Variants in DOK5 observed in about 807,000 individuals in gnomAD.
DOK5 encodes docking protein 5.
A neutral mutation model predicts 43.3 loss-of-function variants in DOK5; 27 were observed. That is an observed-to-expected ratio of 0.62 (90% CI 0.46 to 0.86). The LOEUF is 0.86. Ranked by LOEUF, DOK5 falls within the 40% of genes least tolerant of loss-of-function variation. The pLI, the probability that DOK5 is intolerant of heterozygous loss-of-function variation, is 0.00. For synonymous variants in DOK5, 146 were observed against 140.1 expected (o/e 1.04, Z -0.30); for missense variants, 373 against 392.9 (o/e 0.95, Z 0.43).
chr20:54,571,780 T>C (rs1985289577), intron 2 of DOK5, among the ~76,000 whole-genome samples: 1 of 152,180 alleles, frequency 6.6e-6, no homozygotes, highest in African/African-American at 2.4e-5. Flanking sequence ...AACTCCTGAG[T>C]GCAGCGTACC....
intron 2 of DOK5, among the ~76,000 whole-genome samples, chr20:54,577,422 C>T (rs1194037502): frequency 1.3e-5 from 2 of 152,084 alleles, no homozygotes; most frequent in African/African-American, 4.8e-5. Flanking sequence ...GTTAGATTTC[C>T]TTTGAAAATT....
At chr20:54,551,706 T>C (rs1424769159) in intron 1 of DOK5, among the ~76,000 whole-genome samples, 3 of 152,226 alleles carry the variant, frequency 2.0e-5, no homozygotes, top group Non-Finnish European at 4.4e-5. Flanking sequence ...TATCTGTGTT[T>C]TTATATTGCT....
intron 1 of DOK5, among the ~76,000 whole-genome samples, chr20:54,525,481 G>A (rs1983545864): frequency 6.6e-6 from 1 of 152,154 alleles, no homozygotes; most frequent in South Asian, 2.1e-4. Context: ...TTTTATTACT[G>A]CACTTTATTT....
intron 2 of DOK5, among the ~76,000 whole-genome samples, chr20:54,573,382 TG>T (rs1985352921): frequency 6.6e-6 from 1 of 152,074 alleles, no homozygotes; most frequent in Non-Finnish European, 1.5e-5. Context: ...AAAATAAAGC[TG>T]GGCTTTTAAG....
At chr20:54,556,457 T>C (rs1984710467) in intron 2 of DOK5, among the ~76,000 whole-genome samples, 1 of 152,218 alleles carries the variant, frequency 6.6e-6, no homozygotes, top group Non-Finnish European at 1.5e-5. Flanking sequence ...CTGCAAATAA[T>C]CTTGAGCCAA....
intron 1 of DOK5, among the ~76,000 whole-genome samples, chr20:54,477,222 G>A (rs939093925): frequency 6.6e-6 from 1 of 152,120 alleles, no homozygotes; most frequent in African/African-American, 2.4e-5. Context: ...GTTTTAATGT[G>A]CCAGATACTT....
chr20:54,644,723 A>AAACAC (rs1555839841), intron 7 of DOK5, among the ~76,000 whole-genome samples: 1 of 142,404 alleles, frequency 7.0e-6, no homozygotes, highest in Non-Finnish European at 1.5e-5. Flanking sequence ...AAAAAAAAAA[A>AAACAC]ACAAAATTTA....
intron 5 of DOK5, among the ~76,000 whole-genome samples, chr20:54,606,900 T>G (rs1986487784): frequency 6.6e-6 from 1 of 152,226 alleles, no homozygotes; most frequent in Non-Finnish European, 1.5e-5. Flanking sequence ...TTCTGTTCTA[T>G]TTAGAGCTCT....
At chr20:54,530,428 G>A (rs569292242) in intron 1 of DOK5, among the ~76,000 whole-genome samples, 4 of 152,044 alleles carry the variant, frequency 2.6e-5, no homozygotes, top group African/African-American at 4.8e-5. Context: ...CTTGATCTAC[G>A]GAAGATTAAC....
At chr20:54,622,756 G>A (rs948340401) in intron 6 of DOK5, among the ~76,000 whole-genome samples, 1 of 152,108 alleles carries the variant, frequency 6.6e-6, no homozygotes, top group East Asian at 1.9e-4. Flanking sequence ...AAAATCACAC[G>A]TGCATCTGCT....
chr20:54,640,286 A>G (rs1045542053), intron 6 of DOK5, among the ~76,000 whole-genome samples: 10 of 152,240 alleles, frequency 6.6e-5, no homozygotes, highest in Admixed American at 6.5e-4. Context: ...GCGGCGCTCC[A>G]GGTAACCCAA....
At chr20:54,572,619 T>C (rs973743857) in intron 2 of DOK5, among the ~76,000 whole-genome samples, 1 of 152,238 alleles carries the variant, frequency 6.6e-6, no homozygotes, top group African/African-American at 2.4e-5. Flanking sequence ...ATTATTGTTA[T>C]TATGCTATCA....
intron 2 of DOK5, among the ~76,000 whole-genome samples, chr20:54,558,738 C>T (rs931141752): frequency 1.3e-5 from 2 of 152,088 alleles, no homozygotes; most frequent in African/African-American, 4.8e-5. Context: ...AGACATATCC[C>T]TCCCATAGGA....
intron 6 of DOK5, among the ~76,000 whole-genome samples, chr20:54,616,305 G>T (rs142631370): frequency 6.6e-6 from 1 of 152,102 alleles, no homozygotes; most frequent in Non-Finnish European, 1.5e-5. Flanking sequence ...CCCTAGACAC[G>T]TTTTCTTTAT....
At chr20:54,527,786 A>G (rs1983628726) in intron 1 of DOK5, among the ~76,000 whole-genome samples, 2 of 152,262 alleles carry the variant, frequency 1.3e-5, no homozygotes, top group Admixed American at 1.3e-4. Flanking sequence ...TGTATGCATT[A>G]GAAAAAAATA....
intron 5 of DOK5, among the ~76,000 whole-genome samples, chr20:54,609,314 G>A (rs1027519212): frequency 2.0e-5 from 3 of 152,296 alleles, no homozygotes; most frequent in Middle Eastern, 6.8e-3. Flanking sequence ...AAGGAGTGGC[G>A]TTGTGTCTTA....
At chr20:54,565,106 A>G (rs909710126) in intron 2 of DOK5, among the ~76,000 whole-genome samples, 2 of 152,110 alleles carry the variant, frequency 1.3e-5, no homozygotes, top group African/African-American at 2.4e-5. Context: ...TTTCTTTAGT[A>G]CTGTACTCTC....
rs551838004 is a variant in DOK5 at position 54,515,177 on chromosome 20, A to C, written c.66+39165A>C. On this transcript the variant is annotated intron_variant, in intron 1 of 7. Coordinates refer to ENST00000262593, the MANE Select transcript of DOK5 (RefSeq NM_018431.5). ...AGGCGCCCGCCACCACACCCAGCTA[A>C]ATTTTCCTATTTTTAGTAGATACGG... is the stretch of plus-strand genomic sequence containing the variant. Among the ~76,000 whole-genome samples the C allele has an allele frequency of 3.9e-5, 6 of 151,968 alleles. No homozygotes were observed. The East Asian group carries it at 1.2e-3, about 29-fold the overall frequency.
chr20:54,589,710 C>A (rs910249470), intron 4 of DOK5, among the ~76,000 whole-genome samples: 1 of 152,128 alleles, frequency 6.6e-6, no homozygotes, highest in African/African-American at 2.4e-5. Context: ...ATTGTACTGA[C>A]TTTTTCTGTA....
Sources: gnomAD v4.1 joint callset for allele counts (sites outside exome capture counted in the v4.1 genomes callset) on GRCh38, gnomAD v4.1.1 for gene constraint, MANE v1.5 for transcripts, NCBI Gene and HGNC (gene_info 2026-07-23, HGNC 2026-07-21) for gene names.